The following SLC6A5 variants were observed in gnomAD, a reference collection of about 807,000 sequenced individuals.
SLC6A5 encodes the protein sodium- and chloride-dependent glycine transporter 2.
SLC6A5 carries 58 observed loss-of-function variants against 90.5 expected under a neutral mutation model. The ratio of observed to expected loss-of-function variants is 0.64; its 90% CI spans 0.52 to 0.80. The LOEUF (loss-of-function observed/expected upper bound fraction) is 0.80. Among genes scored for constraint, SLC6A5 ranks in the 30% least tolerant of loss-of-function variants. The pLI is 0.00. For missense variants in SLC6A5, 1,015 were observed against 1,017.6 expected (o/e 1.00, Z 0.03); for synonymous variants, 427 against 401.4 (o/e 1.06, Z -0.76).
At chr11:20,631,616 A>G (rs1853110831) in intron 10 of SLC6A5, among the ~76,000 whole-genome samples, 1 of 152,178 alleles carries the variant, frequency 6.6e-6, no homozygotes, top group Non-Finnish European at 1.5e-5. Context: ...GGTTTCAGTG[A>G]TCAAGGGATT....
intron 7 of SLC6A5, among the ~76,000 whole-genome samples, chr11:20,618,945 GACAC>G (rs68111718): frequency 5.4e-5 from 8 of 148,662 alleles, no homozygotes; most frequent in South Asian, 2.1e-4. Context: ...TGTCCCGCCC[GACAC>G]ACACACACAC....
intron 1 of SLC6A5, 135 bp from the exon 2 acceptor site, chr11:20,600,994 A>G: frequency 1.2e-6 from 1 of 851,464 alleles, no homozygotes; most frequent in Non-Finnish European, 1.7e-6. Flanking sequence ...TTTCTTTTAA[A>G]AAAAGTTCAG....
intron 1 of SLC6A5, among the ~76,000 whole-genome samples, chr11:20,600,777 G>A (rs781585284): frequency 2.0e-5 from 3 of 152,184 alleles, no homozygotes; most frequent in Non-Finnish European, 4.4e-5. Flanking sequence ...TGGTGATGGG[G>A]ATGCGGGCAC....
chr11:20,630,026 A>G (rs1853078751), intron 9 of SLC6A5, among the ~76,000 whole-genome samples: 1 of 152,116 alleles, frequency 6.6e-6, no homozygotes, highest in Non-Finnish European at 1.5e-5. Context: ...CCCGGCTGGG[A>G]TGGTTGTTAA....
intron 15 of SLC6A5, among the ~76,000 whole-genome samples, chr11:20,653,960 C>G (rs1853587605): frequency 6.6e-6 from 1 of 152,220 alleles, no homozygotes; most frequent in African/African-American, 2.4e-5. Flanking sequence ...CTCTAAGTAC[C>G]AGCTTCACTT....
chr11:20,612,636 G>T (rs564542779), intron 5 of SLC6A5, among the ~76,000 whole-genome samples: 1 of 152,176 alleles, frequency 6.6e-6, no homozygotes, highest in South Asian at 2.1e-4. Context: ...TCCTCCCTCA[G>T]CCTCCTGAGT....
chr11:20,641,066 C>A (rs1417946358), intron 13 of SLC6A5, among the ~76,000 whole-genome samples: 1 of 152,204 alleles, frequency 6.6e-6, no homozygotes, highest in Non-Finnish European at 1.5e-5. Flanking sequence ...TGGCCAATAG[C>A]TGGCTTCGAG....
intron 5 of SLC6A5, among the ~76,000 whole-genome samples, chr11:20,610,914 G>T (rs1212145047): frequency 1.3e-5 from 2 of 152,136 alleles, no homozygotes; most frequent in Non-Finnish European, 2.9e-5. Flanking sequence ...CCACAGCCAA[G>T]AATTACTAAA....
At position 20,606,830 on chromosome 11, in the gene SLC6A5, C is replaced by G. The variant is rs893951825; in HGVS notation, c.680-177C>G. Among the ~76,000 whole-genome samples the G allele has an allele frequency of 4.6e-5, 7 of 152,306 alleles. No homozygotes were observed. In the South Asian group the frequency reaches 8.3e-4, roughly 18 times the overall value. On this transcript the variant is annotated intron_variant, in intron 3 of 15. Transcript: ENST00000525748. The stretch of plus-strand genomic sequence containing the variant: ...CCCTTATACTTTTTGGAGGAAGGCT[C>G]TTAAATATCTGTGGGTGACTGTTGC...
chr11:20,638,376 T>G, intron 12 of SLC6A5, 83 bp from the exon 13 acceptor site: 1 of 847,716 alleles, frequency 1.2e-6, no homozygotes, highest in Non-Finnish European at 2.1e-6. Context: ...TTTTTAGGAT[T>G]GAGAGAACTG....
rs945569830 is a variant in SLC6A5 at position 20,601,331 on chromosome 11, C to A, written c.206C>A (p.Ala69Asp). 2 of 1,596,442 alleles carry A rather than the reference C, an allele frequency of 1.3e-6. No individual in the cohort carries two copies. The highest frequency in any genetic ancestry group is 1.1e-5 in the South Asian group (1 of 89,282). The change falls in exon 2 of 16, where the codon GCC becomes GAC. Residue 69 changes from alanine to aspartate, a missense_variant. This residue lies in a region of SLC6A5 where 567 missense variants were observed against 507.3 expected (regional missense o/e 1.12). Transcript: ENST00000525748. Reference sequence around the variant, plus strand: ...ACTTTCCAGTCAGCGGACGCGCGAGCCTGCGAGGCTGAGCGGCCAGGAGTG... The same window carrying A: ...ACTTTCCAGTCAGCGGACGCGCGAGACTGCGAGGCTGAGCGGCCAGGAGTG... The part of the protein sequence containing the change: ...AQTFQSADAR[A>D]CEAERPGVGS...
intron 7 of SLC6A5, among the ~76,000 whole-genome samples, chr11:20,622,139 TACAATGTGGAA>T (rs1852903579): frequency 1.3e-5 from 2 of 152,160 alleles, no homozygotes; most frequent in South Asian, 4.2e-4. Flanking sequence ...CCTCTGACAA[TACAATGTGGAA>T]ACAGGTGCAT....
chr11:20,607,990 T>A (rs1164058840), intron 5 of SLC6A5, among the ~76,000 whole-genome samples: 1 of 152,232 alleles, frequency 6.6e-6, no homozygotes, highest in Admixed American at 6.5e-5. Context: ...TTTTGTTTTA[T>A]AGTGTTTCTT....
chr11:20,609,487 A>C (rs375217857), intron 5 of SLC6A5, among the ~76,000 whole-genome samples: 1 of 152,124 alleles, frequency 6.6e-6, no homozygotes, highest in East Asian at 1.9e-4. Flanking sequence ...GCAGAGCCCC[A>C]CTGCTCTGCT....
intron 10 of SLC6A5, among the ~76,000 whole-genome samples, chr11:20,633,690 T>C (rs927419799): frequency 6.6e-6 from 1 of 152,206 alleles, no homozygotes; most frequent in South Asian, 2.1e-4. Flanking sequence ...GTTTTCTGAG[T>C]TCATAGTATG....
In SLC6A5 at chr11:20,655,123, C is replaced by A; in HGVS notation, c.*255C>A. 2.0e-6 allele frequency: 1 copy of A among 494,784 alleles called. No individual in the cohort carries two copies. The allele number at this position is 494,784 out of a possible 1,614,324, so 30.6% of individuals were successfully genotyped here. On this transcript the variant is annotated 3_prime_UTR_variant, in exon 16 of 16. Transcript: ENST00000525748. ...TGGTCAGGTTGGTCCCCTGACCACA[C>A]GTTTTACCCTGCAGAGGAGGATCAG... is the stretch of plus-strand genomic sequence containing the variant.
intron 7 of SLC6A5, among the ~76,000 whole-genome samples, chr11:20,620,252 T>C (rs1852865063): frequency 6.6e-6 from 1 of 152,130 alleles, no homozygotes; most frequent in African/African-American, 2.4e-5. Context: ...ACAGCACCTT[T>C]TAATGATGTG....
At chr11:20,606,018 G>C (rs192883232) in intron 3 of SLC6A5, among the ~76,000 whole-genome samples, 1 of 152,356 alleles carries the variant, frequency 6.6e-6, no homozygotes. Context: ...AGAAAGATCA[G>C]TTTTCCCTCC....
chr11:20,632,695 C>T (rs1227621923), intron 10 of SLC6A5, among the ~76,000 whole-genome samples: 1 of 152,162 alleles, frequency 6.6e-6, no homozygotes, highest in African/African-American at 2.4e-5. Flanking sequence ...GCTTGTCTTA[C>T]TTGCCTTGAT....
Sources: allele counts gnomAD v4.1 joint callset (sites outside exome capture counted in the v4.1 genomes callset), GRCh38; gene constraint gnomAD v4.1.1; regional missense constraint gnomAD v4.1.1; transcripts MANE v1.5; gene names NCBI Gene and HGNC (gene_info 2026-07-23, HGNC 2026-07-21).